Variants in TTC21B observed in about 807,000 individuals in gnomAD.
TTC21B encodes the protein tetratricopeptide repeat domain 21B.
TTC21B carries 127 observed loss-of-function variants against 175.1 expected under a neutral mutation model. The observed-to-expected ratio is 0.73, with a 90% confidence interval of 0.63 to 0.84. TTC21B has a LOEUF of 0.84. Among genes scored for constraint, TTC21B ranks in the 40% least tolerant of loss-of-function variants. The pLI is 0.00. For synonymous variants in TTC21B, 524 were observed against 524.5 expected (o/e 1.00, Z 0.01); for missense variants, 1,561 against 1,558.3 (o/e 1.00, Z -0.03).
intron 25 of TTC21B, among the ~76,000 whole-genome samples, chr2:165,885,546 C>T (rs556996414): frequency 1.3e-5 from 2 of 152,238 alleles, no homozygotes; most frequent in African/African-American, 4.8e-5. Flanking sequence ...ACCCTCTCCC[C>T]ACCTCAGCCC....
intron 22 of TTC21B, among the ~76,000 whole-genome samples, chr2:165,896,122 T>TCCAAC (rs1685353602): frequency 1.2e-4 from 1 of 8,148 alleles, no homozygotes; most frequent in Non-Finnish European, 7.5e-3. Context: ...TCTCTGAGGC[T>TCCAAC]CTGAGCACAG....
chr2:165,937,996 A>C lies in TTC21B; in HGVS notation c.710+3031T>G, dbSNP rs558483030. On this transcript the variant is annotated intron_variant, in intron 6 of 28. Coordinates refer to ENST00000243344, the MANE Select transcript of TTC21B (RefSeq NM_024753.5). ...TGAGCCTGGACAGCTTGTCGTACCA[A>C]ATAGCAAAGTAACTATCAAAGACTA... Among the ~76,000 whole-genome samples the C allele has an allele frequency of 3.3e-5, 5 of 152,210 alleles. No individual in the cohort carries two copies. The South Asian group carries it at 1.0e-3, about 32-fold the overall frequency.
At chr2:165,927,138 C>T (rs1363108036) in intron 11 of TTC21B, among the ~76,000 whole-genome samples, 1 of 42,730 alleles carries the variant, frequency 2.3e-5, no homozygotes, top group Admixed American at 2.8e-4. Context: ...ATATATATAT[C>T]CTAGTAGTTA....
At chr2:165,879,423 T>G (rs1451511777) in intron 27 of TTC21B, among the ~76,000 whole-genome samples, 1 of 152,184 alleles carries the variant, frequency 6.6e-6, no homozygotes, top group Non-Finnish European at 1.5e-5. Flanking sequence ...ACAAGTCTAG[T>G]ATAGTATGAG....
intron 24 of TTC21B, among the ~76,000 whole-genome samples, chr2:165,889,128 C>T (rs1016815335): frequency 4.6e-5 from 7 of 152,126 alleles, no homozygotes; most frequent in African/African-American, 1.2e-4. Flanking sequence ...CAAACCCATG[C>T]ACATAAATAT....
chr2:165,883,387 CT>C (rs1413008119), intron 26 of TTC21B, among the ~76,000 whole-genome samples: 1 of 152,062 alleles, frequency 6.6e-6, no homozygotes, highest in Non-Finnish European at 1.5e-5. Context: ...ATAATAGATT[CT>C]AATAATGAGA....
rs1173566355 is a variant in TTC21B at position 165,919,487 on chromosome 2, C to T, written c.1517-54G>A. The T allele has an allele frequency of 1.9e-6, 3 of 1,580,310 alleles. No homozygotes were observed. The Admixed American group carries it at 5.0e-5, about 27-fold the overall frequency. Reference sequence around the variant, plus strand: ...ATTCAAATGATTAAGAAATGGAGATCTGAGAGGGAAGAGGAAGAAGAGTGT... The same window carrying T: ...ATTCAAATGATTAAGAAATGGAGATTTGAGAGGGAAGAGGAAGAAGAGTGT... On this transcript the variant is annotated intron_variant, in intron 12 of 28. Transcript: ENST00000243344.
Position 165,917,452 on chromosome 2 carries a change from T to TAAA in TTC21B, c.1703_1704insTTT (p.Ile568_Lys569insLeu). 1 of 1,613,556 alleles carries TAAA rather than the reference T, an allele frequency of 6.2e-7. No homozygotes were observed. The highest frequency in any genetic ancestry group is 8.5e-7 in the Non-Finnish European group (1 of 1,179,622). The stretch of plus-strand genomic sequence containing the variant: ...CCATTTTCTTTTGTGACTGAGCTTT[T>TAAA]ATCAAATGGTATAAAGGATAGTCTC... On this transcript the variant is annotated inframe_insertion, in exon 14 of 29. Coordinates refer to ENST00000243344, the MANE Select transcript of TTC21B (RefSeq NM_024753.5).
Position 165,899,804 on chromosome 2 carries a change from A to C in TTC21B, c.2834T>G (p.Leu945Arg). 1 of 1,613,862 alleles carries C rather than the reference A, an allele frequency of 6.2e-7. No individual in the cohort carries two copies. Among genetic ancestry groups the C allele is most frequent in the Non-Finnish European group, 8.5e-7 (1 of 1,179,736 alleles). The change falls in exon 21 of 29, where the codon CTT (leucine) becomes CGT (arginine). Residue 945 changes from leucine to arginine, a missense_variant. Leu to Arg is a moderately radical substitution (Grantham distance 102). Coordinates refer to ENST00000243344, the MANE Select transcript of TTC21B (RefSeq NM_024753.5). ...AGCTTCGTTATCCTGGTCACTCTGA[A>C]GCAGTAGAGCACACTGCCGCAGGCA... ...DSCLRQCALL[L>R]QSDQDNEAAT...
chr2:165,878,587 G>A lies in TTC21B; in HGVS notation c.3805+2092C>T, dbSNP rs189234733. The stretch of plus-strand genomic sequence containing the variant: ...ATATATTTATTTATAAATGATTACT[G>A]CAGTCAAGCAAATTATCCATTCATC... On this transcript the variant is annotated intron_variant, in intron 27 of 28. Coordinates refer to ENST00000243344, the MANE Select transcript of TTC21B (RefSeq NM_024753.5). Among the ~76,000 whole-genome samples, 180 of 151,836 alleles carry A rather than the reference G, an allele frequency of 1.2e-3. No homozygotes were observed. The Middle Eastern group carries it at 0.038, about 32-fold the overall frequency.
At chr2:165,914,350 A>T (rs1686064279) in intron 15 of TTC21B, among the ~76,000 whole-genome samples, 1 of 152,122 alleles carries the variant, frequency 6.6e-6, no homozygotes, top group South Asian at 2.1e-4. Flanking sequence ...AATCAACCCT[A>T]TTTTGAATTA....
intron 15 of TTC21B, among the ~76,000 whole-genome samples, chr2:165,914,991 G>A (rs1686109710): frequency 6.6e-6 from 1 of 152,028 alleles, no homozygotes; most frequent in African/African-American, 2.4e-5. Context: ...ACTACAGCAA[G>A]CCAGTTTGAA....
chr2:165,896,675 T>G (rs1469231374), intron 22 of TTC21B, among the ~76,000 whole-genome samples: 1 of 152,114 alleles, frequency 6.6e-6, no homozygotes, highest in African/African-American at 2.4e-5. Flanking sequence ...GATAGACCTG[T>G]GGGAGCAGCA....
intron 1 of TTC21B, among the ~76,000 whole-genome samples, chr2:165,950,857 C>T (rs940968656): frequency 2.0e-5 from 3 of 152,160 alleles, no homozygotes; most frequent in African/African-American, 7.2e-5. Flanking sequence ...ATCCACCCGC[C>T]TGGGCCTCCC....
chr2:165,917,371 C>A lies in TTC21B; in HGVS notation c.1785G>T (p.Met595Ile), dbSNP rs752330213. Residue 595 changes from methionine (M) to isoleucine (I), a missense_variant, in exon 14 of 29, where the codon ATG (methionine) becomes ATT (isoleucine). Met to Ile is a conservative substitution (Grantham distance 10). Coordinates refer to ENST00000243344, the MANE Select transcript of TTC21B (RefSeq NM_024753.5). ...TLHMAMSLPG[M>I]KRIGASTKSK... ...ATTTTGTGGAAGCTCCAATTCTTTT[C>A]ATTCCTGGTAAACTCATTGCCATAT... The A allele has an allele frequency of 4.3e-6, 7 of 1,614,046 alleles. No individual in the cohort carries two copies. Among genetic ancestry groups the A allele is most frequent in the Non-Finnish European group, 4.2e-6 (5 of 1,180,030 alleles).
intron 21 of TTC21B, 34 bp from the exon 22 acceptor site, chr2:165,898,801 C>A: frequency 7.5e-7 from 1 of 1,325,194 alleles, no homozygotes; most frequent in Non-Finnish European, 1.1e-6. Context: ...AAAAATATTG[C>A]CATGTATTTT....
chr2:165,913,005 A>G (rs1394726202), intron 16 of TTC21B, among the ~76,000 whole-genome samples: 2 of 151,996 alleles, frequency 1.3e-5, no homozygotes, highest in Non-Finnish European at 2.9e-5. Flanking sequence ...TTCTGTATAA[A>G]GAAGAAGACT....
At chr2:165,942,744 T>C (rs1432382252) in intron 5 of TTC21B, among the ~76,000 whole-genome samples, 1 of 152,344 alleles carries the variant, frequency 6.6e-6, no homozygotes, top group Admixed American at 6.5e-5. Context: ...CTCCGACCAC[T>C]TCATGTAAAA....
intron 8 of TTC21B, among the ~76,000 whole-genome samples, chr2:165,931,080 C>T (rs534935734): frequency 1.3e-5 from 2 of 151,978 alleles, no homozygotes; most frequent in African/African-American, 4.8e-5. Context: ...TTCAAACTTT[C>T]GTTATAGCAT....
Sources: gnomAD v4.1 joint callset for allele counts (sites outside exome capture counted in the v4.1 genomes callset) on GRCh38, gnomAD v4.1.1 for gene constraint, MANE v1.5 for transcripts, NCBI Gene and HGNC (gene_info 2026-07-23, HGNC 2026-07-21) for gene names.